The following DNMT3B variants were observed in gnomAD, a reference collection of about 807,000 sequenced individuals.
The protein encoded by DNMT3B is DNA methyltransferase 3 beta.
DNMT3B carries 37 observed loss-of-function variants against 120.2 expected under a neutral mutation model. The observed-to-expected ratio is 0.31, with a 90% CI of 0.24 to 0.40. The LOEUF (loss-of-function observed/expected upper bound fraction) is 0.40, where lower values mean the gene tolerates loss of function less well. Among genes scored for constraint, DNMT3B ranks in the 10% least tolerant of loss-of-function variants. The pLI is 1.00. For missense variants in DNMT3B, 878 were observed against 1,137.3 expected, an observed-to-expected ratio of 0.77 and a Z score of 3.28; for synonymous variants, 412 against 442.8, an observed-to-expected ratio of 0.93 and a Z score of 0.87.
intron 3 of DNMT3B, 141 bp downstream of exon 3, chr20:32,781,555 G>A (rs1056810716): frequency 1.1e-6 from 1 of 886,960 alleles, no homozygotes; most frequent in Non-Finnish European, 1.8e-6. Context: ...GCATATATTT[G>A]GCATTATTTT....
At chr20:32,777,688 C>T (rs183385473) in intron 1 of DNMT3B, among the ~76,000 whole-genome samples, 1 of 152,162 alleles carries the variant, frequency 6.6e-6, no homozygotes, top group Admixed American at 6.5e-5. Context: ...CTGATTTGGC[C>T]TGAGGTGAAA....
chr20:32,765,979 A>G (rs6058874), intron 1 of DNMT3B, among the ~76,000 whole-genome samples: 84,690 of 150,894 alleles, frequency 0.56, 26,975 homozygotes, highest in East Asian at 0.92. Context: ...GGATGGTCTC[A>G]ATCTCCTGAC....
intron 6 of DNMT3B, 38 bp from the exon 7 acceptor site, chr20:32,788,816 C>T: frequency 6.2e-7 from 1 of 1,614,002 alleles, no homozygotes; most frequent in Non-Finnish European, 8.5e-7. Context: ...AGGATGGCCT[C>T]TCCTCACTGG....
At chr20:32,795,781 G>A (rs1022817257) in intron 12 of DNMT3B, 87 bp downstream of exon 12, 11 of 1,554,232 alleles carry the variant, frequency 7.1e-6, no homozygotes, top group Non-Finnish European at 9.7e-6. Flanking sequence ...ACCCTGTCAG[G>A]GTTTAACCCA....
chr20:32,780,433 T>A lies in DNMT3B; in HGVS notation c.110T>A (p.Ile37Asn), dbSNP rs759924115. ...GACCAGTCCTCCGACTCGCCCCCAA[T>A]CCTGGAGGCTATCCGCACCCCGGAG... ...CSDQSSDSPP[I>N]LEAIRTPEIR... is the part of the protein sequence containing the mutation. The change falls in exon 2 of 23, where the codon ATC (isoleucine) becomes AAC (asparagine). Residue 37 changes from isoleucine (I) to asparagine (N), a missense_variant. Ile to Asn is a moderately radical substitution (Grantham distance 149, BLOSUM62 -3). This residue lies in a region of DNMT3B where 287 missense variants were observed against 306.2 expected (regional missense o/e 0.94). Transcript: ENST00000328111. The A allele has an allele frequency of 1.9e-6, 3 of 1,613,552 alleles. No homozygotes were observed. The highest frequency in any genetic ancestry group is 2.5e-6 in the Non-Finnish European group (3 of 1,179,960).
At chr20:32,765,672 C>T (rs6057640) in intron 1 of DNMT3B, among the ~76,000 whole-genome samples, 3,044 of 150,850 alleles carry the variant, frequency 0.02, 105 homozygotes, top group African/African-American at 0.068. Context: ...TCACCCGCCT[C>T]GGCTTCCCAA....
intron 13 of DNMT3B, 101 bp downstream of exon 13, chr20:32,796,970 T>A (rs960623793): frequency 6.2e-7 from 1 of 1,613,524 alleles, no homozygotes; most frequent in African/African-American, 1.3e-5. Flanking sequence ...TGAAGCCCAC[T>A]CATCCCAGCT....
Position 32,788,877 on chromosome 20 carries a change from G to C in DNMT3B, c.678G>C (p.Gly226=). ...AGGATGGGAAGGAGTTTGGAATAGG[G>C]GACCTCGTGTGGGGAAAGATCAAGG... ...EYQDGKEFGI[G]DLVWGKIKGF... is the part of the protein sequence containing the mutation. Residue 226 remains glycine, a synonymous_variant, in exon 7 of 23, where the codon GGG becomes GGC. Coordinates refer to ENST00000328111, the MANE Select transcript of DNMT3B (RefSeq NM_006892.4). 1 of 1,614,192 alleles carries C rather than the reference G, an allele frequency of 6.2e-7. No homozygotes were observed. The highest frequency in any genetic ancestry group is 8.5e-7 in the Non-Finnish European group (1 of 1,180,044).
In DNMT3B at chr20:32,765,750, C is replaced by CTTTTTTTTTTTT. The variant is rs1208508674; in HGVS notation, c.-7+3058_-7+3059insTTTTTTTTTTTT. Among the ~76,000 whole-genome samples the CTTTTTTTTTTTT allele has an allele frequency of 6.5e-5, 7 of 108,438 alleles. 1 individual carries two copies. The highest frequency in any genetic ancestry group is 1.0e-4 in the Non-Finnish European group (6 of 59,446). 71.1% of individuals were successfully genotyped at this position (108,438 alleles called of 152,430 possible). On this transcript the variant is annotated intron_variant, in intron 1 of 22. Transcript: ENST00000328111. ...TTATTTATTTATTTATTTATTTTTTCTTTTTTTCTTTTTTTTTTTTTTTGA... is the reference window on the plus strand; with the variant it reads ...TTATTTATTTATTTATTTATTTTTTCTTTTTTTTTTTTTTTTTTTCTTTTTTTTTTTTTTTGA...
intron 20 of DNMT3B, 69 bp from the exon 21 acceptor site, chr20:32,805,269 C>A: frequency 6.3e-7 from 1 of 1,589,330 alleles, no homozygotes; most frequent in Non-Finnish European, 8.6e-7. Context: ...TAGACCCTCA[C>A]TCCCACCTTG....
rs1340891679 is a variant in DNMT3B, at chr20:32,808,375, G to A, written c.*472G>A. ...GTGTTTACAGACGTGTGCAGTTGTA[G>A]GCATGTAGCTACAGGACATTTTTAA... On this transcript the variant is annotated 3_prime_UTR_variant, in exon 23 of 23. Transcript: ENST00000328111. 1.1e-5 allele frequency: 3 copies of A among 266,162 alleles called. No individual in the cohort carries two copies. Among genetic ancestry groups the A allele is most frequent in the Non-Finnish European group, 2.2e-5 (3 of 138,486 alleles). The allele number at this position is 266,162 out of a possible 1,614,324, so 16.5% of individuals were successfully genotyped here. A position where few individuals can be genotyped will look rare whatever the true frequency, so the allele number is the denominator to read the frequency against.
Position 32,800,281 on chromosome 20 carries a change from A to T in DNMT3B, c.1888A>T (p.Asn630Tyr). ...GNIKYVNDVR[N>Y]ITKKNIEEWG... Reference sequence around the variant, plus strand: ...TATCAAATACGTGAACGACGTGAGGAACATCACAAAGAAAAATGTGAGGGC... The same window carrying T: ...TATCAAATACGTGAACGACGTGAGGTACATCACAAAGAAAAATGTGAGGGC... The change falls in exon 17 of 23, where the codon AAC (asparagine) becomes TAC (tyrosine). Residue 630 changes from asparagine (N) to tyrosine (Y), a missense_variant. By Grantham distance (143) the Asn-to-Tyr change is moderately radical. Transcript: ENST00000328111. 1 of 1,614,192 alleles carries T rather than the reference A, an allele frequency of 6.2e-7. No individual in the cohort carries two copies. Among genetic ancestry groups the T allele is most frequent in the Non-Finnish European group, 8.5e-7 (1 of 1,180,034 alleles).
At chr20:32,803,632 C>G (rs1047961692) in intron 20 of DNMT3B, among the ~76,000 whole-genome samples, 1 of 152,112 alleles carries the variant, frequency 6.6e-6, no homozygotes, top group Admixed American at 6.5e-5. Context: ...TTATTGCTGG[C>G]GGATGGACAT....
Position 32,783,912 on chromosome 20 carries a change from ATT to A in DNMT3B, c.205-832_205-831del, listed in dbSNP as rs3080495. Among the ~76,000 whole-genome samples, 846 of 134,288 alleles carry A rather than the reference ATT, an allele frequency of 6.3e-3. 7 individuals are homozygous for A. The highest frequency in any genetic ancestry group is 0.021 in the African/African-American group (787 of 37,052). 88.1% of individuals were successfully genotyped at this position (134,288 alleles called of 152,430 possible). ...AGCTAACTTTTGTATTTGTATTTGTATTTTTTTTTTTTTTTGAGATGGAGTCT... is the reference window on the plus strand; with the variant it reads ...AGCTAACTTTTGTATTTGTATTTGTATTTTTTTTTTTTTGAGATGGAGTCT... On this transcript the variant is annotated intron_variant, in intron 3 of 22. Coordinates refer to ENST00000328111, the MANE Select transcript of DNMT3B (RefSeq NM_006892.4).
intron 7 of DNMT3B, among the ~76,000 whole-genome samples, chr20:32,789,776 T>C (rs1005601628): frequency 1.3e-5 from 2 of 152,152 alleles, no homozygotes; most frequent in African/African-American, 4.8e-5. Context: ...GCATTTTTAG[T>C]ACAGACTGGG....
chr20:32,765,610 G>A (rs6141807), intron 1 of DNMT3B, among the ~76,000 whole-genome samples: 26,304 of 149,938 alleles, frequency 0.18, 2,475 homozygotes, highest in South Asian at 0.3. Context: ...TAATTGAGAC[G>A]GGGTTTCATC....
In DNMT3B at chr20:32,808,128, C is replaced by A. The variant is rs1005437024; in HGVS notation, c.*225C>A. The A allele has an allele frequency of 4.6e-6, 3 of 654,176 alleles. No individual in the cohort carries two copies. In the South Asian group the frequency reaches 5.9e-5, roughly 13 times the overall value. 40.5% of individuals were successfully genotyped at this position (654,176 alleles called of 1,614,324 possible). On this transcript the variant is annotated 3_prime_UTR_variant, in exon 23 of 23. Coordinates refer to ENST00000328111, the MANE Select transcript of DNMT3B (RefSeq NM_006892.4). ...ATCAGACCTGGCTGCTTGGAGCAGC[C>A]TAACACGGTGCTCATTTTTTCTTCT...
Position 32,808,304 on chromosome 20 carries a change from G to A in DNMT3B, c.*401G>A, listed in dbSNP as rs962556851. 1.2e-5 allele frequency: 4 copies of A among 325,242 alleles called. No homozygotes were observed. The highest frequency in any genetic ancestry group is 8.4e-5 in the African/African-American group (4 of 47,792). 20.1% of individuals were successfully genotyped at this position (325,242 alleles called of 1,614,324 possible). On this transcript the variant is annotated 3_prime_UTR_variant, in exon 23 of 23. Coordinates refer to ENST00000328111, the MANE Select transcript of DNMT3B (RefSeq NM_006892.4). ...AGGTTAATGCTGAAAAATCATCCAA[G>A]ACAGTTATTGCAAGAGTTTAATTTT...
At chr20:32,789,227 C>T (rs953639938) in intron 7 of DNMT3B, among the ~76,000 whole-genome samples, 2 of 152,190 alleles carry the variant, frequency 1.3e-5, no homozygotes, top group African/African-American at 4.8e-5. Flanking sequence ...GATCCATGGG[C>T]AGTTGGATTT....
Sources: allele counts gnomAD v4.1 joint callset (sites outside exome capture counted in the v4.1 genomes callset), GRCh38; gene constraint gnomAD v4.1.1; regional missense constraint gnomAD v4.1.1; transcripts MANE v1.5; gene names NCBI Gene and HGNC (gene_info 2026-07-23, HGNC 2026-07-21).